Variants in MGLL observed in about 807,000 individuals in gnomAD.
MGLL encodes lysophospholipase homolog.
A neutral mutation model predicts 29.1 loss-of-function variants in MGLL; 7 were observed. The observed-to-expected ratio is 0.24, with a 90% CI of 0.14 to 0.45. The LOEUF (loss-of-function observed/expected upper bound fraction) is 0.45, where lower values mean the gene tolerates loss of function less well. MGLL is among the 20% of genes least tolerant of loss of function. The pLI is 0.99. For missense variants in MGLL, 356 were observed against 413.6 expected (o/e 0.86, Z 1.21); for synonymous variants, 148 against 168.3 (o/e 0.88, Z 0.93).
intron 2 of MGLL, among the ~76,000 whole-genome samples, chr3:127,785,654 C>G (rs957289227): frequency 6.6e-6 from 1 of 152,248 alleles, no homozygotes; most frequent in African/African-American, 2.4e-5. Context: ...CTTGGCCTGT[C>G]TCCTTGGCAT....
At chr3:127,730,701 T>C (rs2076134553) in intron 3 of MGLL, among the ~76,000 whole-genome samples, 1 of 152,226 alleles carries the variant, frequency 6.6e-6, no homozygotes, top group Admixed American at 6.5e-5. Flanking sequence ...ACATGTGAGT[T>C]GATCACAGTC....
intron 3 of MGLL, among the ~76,000 whole-genome samples, chr3:127,732,094 C>T (rs770486363): frequency 1.3e-5 from 2 of 152,154 alleles, no homozygotes; most frequent in Non-Finnish European, 2.9e-5. Flanking sequence ...TGGGAAGAGC[C>T]AGCCTCCCCC....
intron 2 of MGLL, among the ~76,000 whole-genome samples, chr3:127,810,016 AATT>A (rs66649119): frequency 0.039 from 5,874 of 152,280 alleles, 358 homozygotes; most frequent in African/African-American, 0.13. Context: ...GACTGTAAAC[AATT>A]ACCAACCCAC....
intron 2 of MGLL, among the ~76,000 whole-genome samples, chr3:127,783,111 T>C (rs1385347310): frequency 8.8e-6 from 1 of 113,592 alleles, no homozygotes; most frequent in Non-Finnish European, 1.6e-5. Flanking sequence ...GCCACTGCAC[T>C]CCAGCTTGGG....
intron 2 of MGLL, among the ~76,000 whole-genome samples, chr3:127,794,740 T>C: frequency 6.6e-6 from 1 of 152,256 alleles, no homozygotes; most frequent in Admixed American, 6.5e-5. Flanking sequence ...CTCTCTTCTC[T>C]GATGTAAGAC....
chr3:127,808,206 T>C (rs1343487138), intron 2 of MGLL, among the ~76,000 whole-genome samples: 2 of 152,184 alleles, frequency 1.3e-5, no homozygotes, highest in Non-Finnish European at 2.9e-5. Context: ...TTCCCATGCT[T>C]ATTGGTTTAT....
intron 3 of MGLL, among the ~76,000 whole-genome samples, chr3:127,738,519 C>T (rs972689533): frequency 6.6e-6 from 1 of 152,160 alleles, no homozygotes; most frequent in African/African-American, 2.4e-5. Context: ...GGGTTGCTCA[C>T]AACCATGGAC....
At chr3:127,722,615 C>G in intron 3 of MGLL, 49 bp from the exon 4 acceptor site, 1 of 1,613,054 alleles carries the variant, frequency 6.2e-7, no homozygotes, top group Non-Finnish European at 8.5e-7. Flanking sequence ...CAGGTCGACT[C>G]CTACACAAGC....
At chr3:127,742,749 C>A (rs2076367929) in intron 3 of MGLL, among the ~76,000 whole-genome samples, 2 of 152,146 alleles carry the variant, frequency 1.3e-5, no homozygotes, top group African/African-American at 4.8e-5. Flanking sequence ...CTACACGTGA[C>A]CCAAACAGTG....
intron 3 of MGLL, among the ~76,000 whole-genome samples, chr3:127,748,425 AG>A (rs2076493003): frequency 8.4e-6 from 1 of 119,150 alleles, no homozygotes; most frequent in Non-Finnish European, 2.0e-5. Flanking sequence ...AGAGAGAGAG[AG>A]AGGGAGAGAG....
intron 2 of MGLL, among the ~76,000 whole-genome samples, chr3:127,805,846 C>T (rs998683637): frequency 2.0e-5 from 3 of 152,238 alleles, no homozygotes; most frequent in Non-Finnish European, 2.9e-5. Context: ...TATCTAGCAA[C>T]GTGTCAGACA....
chr3:127,796,071 C>T (rs9830196), intron 2 of MGLL, among the ~76,000 whole-genome samples: 17,594 of 152,188 alleles, frequency 0.12, 1,184 homozygotes, highest in South Asian at 0.21. Context: ...ATGGAGAGAA[C>T]ATTGGAGAAA....
intron 3 of MGLL, among the ~76,000 whole-genome samples, chr3:127,723,099 A>G (rs1411910818): frequency 6.6e-6 from 1 of 152,236 alleles, no homozygotes; most frequent in Non-Finnish European, 1.5e-5. Flanking sequence ...TGCTTGCCAG[A>G]AAGCGTCTCG....
intron 3 of MGLL, among the ~76,000 whole-genome samples, chr3:127,755,070 C>T (rs1371531810): frequency 2.0e-5 from 3 of 152,156 alleles, no homozygotes; most frequent in Admixed American, 6.5e-5. Flanking sequence ...GTGGCATCCC[C>T]GGGGGAAAGG....
Position 127,777,378 on chromosome 3 carries a change from C to T in MGLL, c.262+4411G>A, listed in dbSNP as rs537787637. ...CAGCAATGTCCATTCTCTGTGTCTA[C>T]CTTACCAACAGAAGTTTCTGTTGTT... On this transcript the variant is annotated intron_variant, in intron 3 of 7. Transcript: ENST00000265052. Among the ~76,000 whole-genome samples, 3 of 152,284 alleles carry T rather than the reference C, an allele frequency of 2.0e-5. No individual in the cohort carries two copies. The South Asian group carries it at 6.2e-4, about 32-fold the overall frequency.
intron 3 of MGLL, among the ~76,000 whole-genome samples, chr3:127,773,411 AG>A (rs2076981816): frequency 6.6e-6 from 1 of 152,252 alleles, no homozygotes. Context: ...CAGCGCTGTG[AG>A]GACAAGTCAG....
Position 127,792,514 on chromosome 3 carries a change from T to C in MGLL, c.156-10619A>G, listed in dbSNP as rs529834170. On this transcript the variant is annotated intron_variant, in intron 2 of 7. Transcript: ENST00000265052. ...GTCAAGAAATCGAGACCATCCTGGC[T>C]AACATGGTGAAACCCCGTTCTCTAC... 1.2e-3 allele frequency among the ~76,000 whole-genome samples: 180 copies of C among 152,244 alleles called. 2 individuals carry two copies. The highest frequency in any genetic ancestry group is 1.4e-3 in the Non-Finnish European group (95 of 67,996).
chr3:127,790,931 A>C (rs1432999051), intron 2 of MGLL, among the ~76,000 whole-genome samples: 1 of 152,086 alleles, frequency 6.6e-6, no homozygotes, highest in Non-Finnish European at 1.5e-5. Flanking sequence ...ACTTGCTCTG[A>C]TGGCAACCCC....
chr3:127,736,858 C>A (rs2076251103), intron 3 of MGLL, among the ~76,000 whole-genome samples: 1 of 152,164 alleles, frequency 6.6e-6, no homozygotes, highest in Admixed American at 6.5e-5. Context: ...CCACGCCTGG[C>A]TAATTTTTGT....
Sources: allele counts gnomAD v4.1 joint callset (sites outside exome capture counted in the v4.1 genomes callset), GRCh38; gene constraint gnomAD v4.1.1; transcripts MANE v1.5; gene names NCBI Gene and HGNC (gene_info 2026-07-23, HGNC 2026-07-21).